CFAP299: variants seen among roughly 807,000 people sequenced by gnomAD.
The protein encoded by CFAP299 is cilia- and flagella-associated protein 299.
Under a neutral mutation model 27.0 loss-of-function variants are expected in CFAP299, and 21 were observed. That is an observed-to-expected ratio of 0.78 (90% CI 0.55 to 1.12). The LOEUF (loss-of-function observed/expected upper bound fraction) is 1.12, where lower values mean the gene tolerates loss of function less well. CFAP299 is among the 50% of genes most tolerant of loss of function. The probability of loss-of-function intolerance (pLI) is 0.00; values close to 1 mark genes in which losing one functional copy is unlikely to be tolerated. For synonymous variants in CFAP299, 104 were observed against 98.1 expected, an observed-to-expected ratio of 1.06 and a Z score of -0.36; for missense variants, 310 against 276.6, an observed-to-expected ratio of 1.12 and a Z score of -0.86.
At chr4:80,752,149 T>C (rs752942795) in intron 3 of CFAP299, among the ~76,000 whole-genome samples, 4 of 152,072 alleles carry the variant, frequency 2.6e-5, no homozygotes, top group Non-Finnish European at 5.9e-5. Context: ...GTGGGGCTAC[T>C]TTGGCTCTGT....
At chr4:80,770,281 G>A (rs1023365430) in intron 3 of CFAP299, among the ~76,000 whole-genome samples, 1 of 151,936 alleles carries the variant, frequency 6.6e-6, no homozygotes, top group African/African-American at 2.4e-5. Flanking sequence ...CTTCCTAGAG[G>A]CCCTCTGGCT....
chr4:80,509,773 T>A (rs373191324), intron 2 of CFAP299, among the ~76,000 whole-genome samples: 51 of 152,240 alleles, frequency 3.3e-4, no homozygotes, highest in African/African-American at 1.1e-3. Context: ...TTCATTGACA[T>A]GAGTGATGAG....
chr4:80,825,104 C>T (rs901149283), intron 3 of CFAP299, among the ~76,000 whole-genome samples: 1 of 151,446 alleles, frequency 6.6e-6, no homozygotes, highest in Non-Finnish European at 1.5e-5. Context: ...TGTTCTGCAG[C>T]TAAAAAATAC....
At chr4:80,847,212 G>A (rs2110144330) in intron 3 of CFAP299, among the ~76,000 whole-genome samples, 1 of 152,266 alleles carries the variant, frequency 6.6e-6, no homozygotes, top group Non-Finnish European at 1.5e-5. Context: ...GCTCTACCCA[G>A]GAAGGCTGCT....
At chr4:80,834,506 C>G (rs754065265) in intron 3 of CFAP299, among the ~76,000 whole-genome samples, 23 of 152,144 alleles carry the variant, frequency 1.5e-4, no homozygotes, top group Non-Finnish European at 2.6e-4. Context: ...AATTTTAGGT[C>G]TAAAAGCTCT....
Position 80,748,114 on chromosome 4 carries a change from G to A in CFAP299, c.334-121879G>A, listed in dbSNP as rs188383807. 4.1e-4 allele frequency among the ~76,000 whole-genome samples: 63 copies of A among 152,034 alleles called. 1 individual carries two copies. The highest frequency in any genetic ancestry group is 1.4e-3 in the African/African-American group (59 of 41,482). ...CCATGTAGCCTCTAGTTTGAGTTAG[G>A]GTAATCATCCTTTATGCCCACCTTT... On this transcript the variant is annotated intron_variant, in intron 3 of 5. Coordinates refer to ENST00000358105, the MANE Select transcript of CFAP299 (RefSeq NM_152770.3).
chr4:80,676,209 A>G (rs1180461198), intron 3 of CFAP299, among the ~76,000 whole-genome samples: 1 of 152,176 alleles, frequency 6.6e-6, no homozygotes, highest in Non-Finnish European at 1.5e-5. Context: ...ATCTAATGAA[A>G]TTATCATATT....
At chr4:80,625,308 A>G (rs538006341) in intron 3 of CFAP299, among the ~76,000 whole-genome samples, 2 of 152,076 alleles carry the variant, frequency 1.3e-5, no homozygotes, top group South Asian at 4.1e-4. Context: ...ATCAAAGTTA[A>G]GTTGTTTTCA....
intron 4 of CFAP299, among the ~76,000 whole-genome samples, chr4:80,926,401 G>C (rs1317053673): frequency 1.3e-5 from 2 of 151,954 alleles, no homozygotes; most frequent in African/African-American, 2.4e-5. Flanking sequence ...GGATGAGAAG[G>C]GATGCAGACC....
At chr4:80,891,088 G>T (rs1344064161) in intron 4 of CFAP299, among the ~76,000 whole-genome samples, 18 of 150,852 alleles carry the variant, frequency 1.2e-4, no homozygotes, top group African/African-American at 3.2e-4. Flanking sequence ...GTCAATTTTG[G>T]CTTTGGTTGC....
At chr4:80,602,178 C>T (rs1273183002) in intron 3 of CFAP299, among the ~76,000 whole-genome samples, 5 of 151,474 alleles carry the variant, frequency 3.3e-5, no homozygotes, top group East Asian at 1.9e-4. Context: ...AATTTACCTA[C>T]GTAATAAACC....
chr4:80,885,784 T>C (rs973459096), intron 4 of CFAP299, among the ~76,000 whole-genome samples: 1 of 152,182 alleles, frequency 6.6e-6, no homozygotes, highest in Non-Finnish European at 1.5e-5. Context: ...ACCCAACACA[T>C]TCCCAGCTGT....
intron 3 of CFAP299, among the ~76,000 whole-genome samples, chr4:80,835,915 A>G (rs1443156177): frequency 6.6e-6 from 1 of 152,222 alleles, no homozygotes; most frequent in East Asian, 1.9e-4. Context: ...CTTTTCTGAC[A>G]AAACTTTTTA....
intron 3 of CFAP299, among the ~76,000 whole-genome samples, chr4:80,630,809 A>C (rs1490210927): frequency 1.3e-5 from 2 of 152,106 alleles, no homozygotes; most frequent in African/African-American, 2.4e-5. Context: ...ACAAATGCCA[A>C]GAATAGACAG....
chr4:80,441,741 A>G (rs778630805), intron 2 of CFAP299, among the ~76,000 whole-genome samples: 10 of 152,228 alleles, frequency 6.6e-5, no homozygotes, highest in Non-Finnish European at 1.0e-4. Flanking sequence ...AAATGCCCCA[A>G]TTAAAAGACA....
chr4:80,553,663 T>C (rs1325435864), intron 2 of CFAP299, among the ~76,000 whole-genome samples: 14 of 152,122 alleles, frequency 9.2e-5, no homozygotes, highest in East Asian at 3.8e-4. Flanking sequence ...CCAGCATATG[T>C]TATTTTTTTG....
chr4:80,922,342 C>G (rs938964148), intron 4 of CFAP299, among the ~76,000 whole-genome samples: 4 of 151,992 alleles, frequency 2.6e-5, no homozygotes, highest in African/African-American at 9.7e-5. Context: ...CAAACTAAAA[C>G]ATACAAAGGT....
chr4:80,549,086 A>G (rs962020164), intron 2 of CFAP299, among the ~76,000 whole-genome samples: 2 of 152,134 alleles, frequency 1.3e-5, no homozygotes, highest in Admixed American at 1.3e-4. Context: ...ATGTCTAGCA[A>G]AATCTATTAA....
chr4:80,950,735 C>T (rs1252663305), intron 5 of CFAP299, among the ~76,000 whole-genome samples: 1 of 152,096 alleles, frequency 6.6e-6, no homozygotes, highest in Non-Finnish European at 1.5e-5. Flanking sequence ...ATATATGATG[C>T]CTGACCTCAT....
Sources: allele counts gnomAD v4.1 joint callset (sites outside exome capture counted in the v4.1 genomes callset), GRCh38; gene constraint gnomAD v4.1.1; transcripts MANE v1.5; gene names NCBI Gene and HGNC (gene_info 2026-07-23, HGNC 2026-07-21).